Variants in PRSS23 observed in about 807,000 individuals in gnomAD.
PRSS23 encodes protease, serine 23.
A neutral mutation model predicts 34.7 loss-of-function variants in PRSS23; 25 were observed. The observed-to-expected ratio is 0.72, with a 90% confidence interval of 0.53 to 1.01. PRSS23 has a LOEUF of 1.01. PRSS23 is among the 50% of genes least tolerant of loss of function. The pLI, the probability that PRSS23 is intolerant of heterozygous loss-of-function variation, is 0.00. For missense variants in PRSS23, 445 were observed against 475.6 expected (o/e 0.94, Z 0.60); for synonymous variants, 176 against 186.6 (o/e 0.94, Z 0.46).
exon 3 of PRSS23, chr11:86,951,617 C>A (rs1949293411): frequency 6.2e-7 from 1 of 1,614,066 alleles, no homozygotes; most frequent in Admixed American, 1.7e-5. Flanking sequence ...ATTTTGGTTT[C>A]CAACATAGCA....
intron 1 of PRSS23, among the ~76,000 whole-genome samples, chr11:86,817,968 T>C (rs980673343): frequency 2.6e-5 from 4 of 152,164 alleles, no homozygotes; most frequent in African/African-American, 9.7e-5. Context: ...AATAGCAAGG[T>C]GCCATAAGAC....
At chr11:86,860,954 GA>G (rs1948608893) in intron 2 of PRSS23, among the ~76,000 whole-genome samples, 1 of 151,478 alleles carries the variant, frequency 6.6e-6, no homozygotes, top group Non-Finnish European at 1.5e-5. Flanking sequence ...TCCCAATATA[GA>G]AGGGGGAAGT....
At chr11:86,824,370 T>TAAAATAAAATAAAATAAAATAAATA (rs372867879) in intron 2 of PRSS23, among the ~76,000 whole-genome samples, 1 of 94,710 alleles carries the variant, frequency 1.1e-5, no homozygotes, top group African/African-American at 5.0e-5. Context: ...TAAAATAAAA[T>TAAAATAAAATAAAATAAAATAAATA]AAATAAAATA....
chr11:86,855,838 A>G (rs1182553509), intron 2 of PRSS23, among the ~76,000 whole-genome samples: 4 of 152,206 alleles, frequency 2.6e-5, no homozygotes, highest in Admixed American at 6.5e-5. Context: ...AAGTGAGGAC[A>G]TGTAATATTT....
intron 2 of PRSS23, among the ~76,000 whole-genome samples, chr11:86,835,112 G>T (rs1176683249): frequency 6.6e-6 from 1 of 152,222 alleles, no homozygotes; most frequent in Non-Finnish European, 1.5e-5. Flanking sequence ...GCACAAGTGT[G>T]CAGTTGCAGC....
chr11:86,800,957 C>T (rs1948029802), intron 1 of PRSS23, among the ~76,000 whole-genome samples: 1 of 152,156 alleles, frequency 6.6e-6, no homozygotes, highest in African/African-American at 2.4e-5. Context: ...AGAGAGCCGG[C>T]TCTCGGCAAG....
At chr11:86,835,393 C>G (rs1021759759) in intron 2 of PRSS23, among the ~76,000 whole-genome samples, 3 of 152,220 alleles carry the variant, frequency 2.0e-5, no homozygotes, top group African/African-American at 7.2e-5. Flanking sequence ...TGTAAGGACT[C>G]CTAGAGCTAT....
chr11:86,887,394 G>A (rs7130099), intron 2 of PRSS23, among the ~76,000 whole-genome samples: 15,741 of 137,628 alleles, frequency 0.11, 1,211 homozygotes, highest in African/African-American at 0.23. Context: ...AAAACAGTCA[G>A]GAAAAAAACA....
At chr11:86,931,463 G>GA (rs1165129905) in intron 2 of PRSS23, among the ~76,000 whole-genome samples, 12 of 151,692 alleles carry the variant, frequency 7.9e-5, no homozygotes, top group Non-Finnish European at 1.2e-4. Flanking sequence ...TTAAATCCAT[G>GA]AAAAAAAAGC....
intron 2 of PRSS23, among the ~76,000 whole-genome samples, chr11:86,925,295 AGTGT>A (rs5793226): frequency 0.62 from 92,966 of 148,998 alleles, 28,814 homozygotes; most frequent in Non-Finnish European, 0.66. Flanking sequence ...GTTTAACTGG[AGTGT>A]GTGTGTGTGT....
chr11:86,855,101 G>T (rs192850497), intron 2 of PRSS23, among the ~76,000 whole-genome samples: 9 of 152,048 alleles, frequency 5.9e-5, no homozygotes, highest in Non-Finnish European at 1.3e-4. Context: ...AGGAGGCAGA[G>T]GTTGTGGTGA....
At chr11:86,851,333 G>T (rs150307475) in intron 2 of PRSS23, among the ~76,000 whole-genome samples, 1 of 152,342 alleles carries the variant, frequency 6.6e-6, no homozygotes, top group African/African-American at 2.4e-5. Flanking sequence ...AGGGAGAGAT[G>T]CCCCTTGAAT....
At chr11:86,932,799 A>C (rs1217486142) in intron 2 of PRSS23, 1 of 152,212 alleles carries the variant, frequency 6.6e-6, no homozygotes, top group Non-Finnish European at 1.5e-5. Context: ...ACCTCCTTGA[A>C]GACTCTCTTC....
At chr11:86,879,477 C>T (rs1203339474) in intron 2 of PRSS23, among the ~76,000 whole-genome samples, 24 of 127,958 alleles carry the variant, frequency 1.9e-4, no homozygotes, top group Admixed American at 1.6e-3. Flanking sequence ...CCAGGCCAGC[C>T]GCCCCGTCCG....
chr11:86,836,148 G>T (rs1038456431), intron 2 of PRSS23, among the ~76,000 whole-genome samples: 6 of 152,116 alleles, frequency 3.9e-5, no homozygotes, highest in African/African-American at 1.4e-4. Flanking sequence ...GTACAGCTGG[G>T]TATAGAGGGA....
chr11:86,951,572 A>G, exon 3 of PRSS23: 1 of 1,614,164 alleles, frequency 6.2e-7, no homozygotes, highest in Non-Finnish European at 8.5e-7. Context: ...ATAAGTAAAG[A>G]GGGGAGCCAC....
rs141209153 is a variant in PRSS23 at position 86,916,232 on chromosome 11, C to CA, written c.207-34976dup. On this transcript the variant is annotated intron_variant, in intron 2 of 2. Transcript: ENST00000533902. Reference sequence around the variant, plus strand: ...CTGAGAGATTTTGGTTTTCTTTTTACAAAAAAAACCCATAAACACGAATTT... The same window carrying CA: ...CTGAGAGATTTTGGTTTTCTTTTTACAAAAAAAAACCCATAAACACGAATTT... 2.5e-3 allele frequency among the ~76,000 whole-genome samples: 380 copies of CA among 151,626 alleles called. 1 individual carries two copies. Among genetic ancestry groups the CA allele is most frequent in the African/African-American group, 7.0e-3 (291 of 41,404 alleles).
In PRSS23 at chr11:86,809,583, C is replaced by T. The variant is rs917638589; in HGVS notation, c.*788C>T. The T allele has an allele frequency of 6.0e-6, 1 of 167,036 alleles. No individual in the cohort carries two copies. The highest frequency in any genetic ancestry group is 6.5e-5 in the Admixed American group (1 of 15,284). 10.3% of individuals were successfully genotyped at this position (167,036 alleles called of 1,614,324 possible). On this transcript the variant is annotated 3_prime_UTR_variant, in exon 2 of 2. Transcript: ENST00000280258. ...CTTCCATTTAACAGGATTTCACTCACATTTCTGGAACTAGCTATTTTTCAG... is the reference window on the plus strand; with the variant it reads ...CTTCCATTTAACAGGATTTCACTCATATTTCTGGAACTAGCTATTTTTCAG...
At chr11:86,898,867 T>C (rs1948893090) in intron 2 of PRSS23, among the ~76,000 whole-genome samples, 1 of 152,158 alleles carries the variant, frequency 6.6e-6, no homozygotes, top group Non-Finnish European at 1.5e-5. Flanking sequence ...TATTGTCTGG[T>C]AGTCATGGGC....
Sources: gnomAD v4.1 joint callset for allele counts (sites outside exome capture counted in the v4.1 genomes callset) on GRCh38, gnomAD v4.1.1 for gene constraint, MANE v1.5 for transcripts, NCBI Gene and HGNC (gene_info 2026-07-23, HGNC 2026-07-21) for gene names.